ELP2: variants seen among roughly 807,000 people sequenced by gnomAD.
ELP2 encodes the protein elongator acetyltransferase complex subunit 2, also known as elongator complex protein 2.
ELP2 carries 90 observed loss-of-function variants against 119.2 expected under a neutral mutation model. That is an observed-to-expected ratio of 0.75 (90% CI 0.64 to 0.90). The LOEUF (loss-of-function observed/expected upper bound fraction) is 0.90. Among genes scored for constraint, ELP2 ranks in the 40% least tolerant of loss-of-function variants. The probability of loss-of-function intolerance (pLI) is 0.00; values close to 1 mark genes in which losing one functional copy is unlikely to be tolerated. For missense variants in ELP2, 921 were observed against 967.8 expected (o/e 0.95, Z 0.64); for synonymous variants, 339 against 331.0 (o/e 1.02, Z -0.26).
chr18:36,164,391 T>A, intron 17 of ELP2, 84 bp from the exon 18 acceptor site: 4 of 1,328,300 alleles, frequency 3.0e-6, no homozygotes, highest in Admixed American at 1.7e-5. Context: ...AATATACTCA[T>A]AGAAACAATG....
intron 2 of ELP2, among the ~76,000 whole-genome samples, chr18:36,133,611 A>G (rs2089713291): frequency 6.6e-6 from 1 of 152,154 alleles, no homozygotes; most frequent in Non-Finnish European, 1.5e-5. Context: ...AAGAACTTGT[A>G]AGCAGGGCCT....
chr18:36,133,612 A>G (rs2089713398), intron 2 of ELP2, among the ~76,000 whole-genome samples: 1 of 152,178 alleles, frequency 6.6e-6, no homozygotes, highest in Non-Finnish European at 1.5e-5. Context: ...AGAACTTGTA[A>G]GCAGGGCCTA....
In ELP2 at chr18:36,175,088, A is replaced by G. The variant is rs539534255; in HGVS notation, c.*447A>G. On this transcript the variant is annotated 3_prime_UTR_variant, in exon 22 of 22. Transcript: ENST00000358232. Reference sequence around the variant, plus strand: ...AGCTATATGGACCCTTCGCTTTGTTATATAACATATGCACACATACCCAGA... The same window carrying G: ...AGCTATATGGACCCTTCGCTTTGTTGTATAACATATGCACACATACCCAGA... 1.2e-4 allele frequency: 21 copies of G among 168,028 alleles called. No homozygotes were observed. The highest frequency in any genetic ancestry group is 6.2e-4 in the Admixed American group (11 of 17,810). 10.4% of individuals were successfully genotyped at this position (168,028 alleles called of 1,614,324 possible).
At chr18:36,152,893 A>G (rs2090447590) in intron 11 of ELP2, among the ~76,000 whole-genome samples, 1 of 152,236 alleles carries the variant, frequency 6.6e-6, no homozygotes, top group African/African-American at 2.4e-5. Context: ...AAGATGGAAC[A>G]ATTCCTTAGC....
At position 36,145,957 on chromosome 18, in the gene ELP2, T is replaced by C; in HGVS notation, c.902T>C (p.Leu301Pro). 3 of 1,613,300 alleles carry C rather than the reference T, an allele frequency of 1.9e-6. No individual in the cohort carries two copies. Among genetic ancestry groups the C allele is most frequent in the Non-Finnish European group, 2.5e-6 (3 of 1,179,250 alleles). The change falls in exon 10 of 22, where the codon CTA (leucine) becomes CCA (proline). Residue 301 changes from leucine to proline, a missense_variant. By Grantham distance (98) the Leu-to-Pro change is moderately conservative (BLOSUM62 -3). Coordinates refer to ENST00000358232, the MANE Select transcript of ELP2 (RefSeq NM_018255.4). ...AGGTTTTATTTTTTAGATGGTGTCC[T>C]ACAGCAGCCAGTGAGATTATTATCT... ...WQPVFYKDGV[L>P]QQPVRLLSAS...
At chr18:36,162,741 T>C (rs2090776949) in intron 17 of ELP2, among the ~76,000 whole-genome samples, 1 of 152,212 alleles carries the variant, frequency 6.6e-6, no homozygotes, top group African/African-American at 2.4e-5. Flanking sequence ...TCTTTTTAAC[T>C]TTAACCGTTC....
chr18:36,143,157 G>A (rs1032053000), intron 8 of ELP2, among the ~76,000 whole-genome samples, 191 bp downstream of exon 8: 1 of 150,720 alleles, frequency 6.6e-6, no homozygotes, highest in African/African-American at 2.4e-5. Context: ...GTGCAGTGGC[G>A]TGAGCTTGGC....
At chr18:36,168,005 A>G (rs2090958805) in intron 19 of ELP2, among the ~76,000 whole-genome samples, 1 of 152,066 alleles carries the variant, frequency 6.6e-6, no homozygotes, top group Admixed American at 6.5e-5. Context: ...CATGACCTTC[A>G]CCTTTGTTTT....
chr18:36,160,781 T>G, intron 16 of ELP2, 151 bp from the exon 17 acceptor site: 1 of 618,416 alleles, frequency 1.6e-6, no homozygotes, highest in Non-Finnish European at 2.9e-6. Flanking sequence ...TGTCTTTCTC[T>G]CAAATGTTTG....
At chr18:36,164,904 A>G (rs1320807860) in intron 18 of ELP2, 6 of 530,896 alleles carry the variant, frequency 1.1e-5, no homozygotes, top group East Asian at 3.3e-5. Context: ...GATGGCATGC[A>G]TTCAGATATC....
At chr18:36,171,958 A>C (rs2091094288) in intron 21 of ELP2, among the ~76,000 whole-genome samples, 1 of 152,176 alleles carries the variant, frequency 6.6e-6, no homozygotes, top group South Asian at 2.1e-4. Flanking sequence ...GGGCTCAAGC[A>C]ATCCTCCTGT....
intron 5 of ELP2, chr18:36,139,317 A>G (rs138035228): frequency 8.5e-7 from 1 of 1,171,934 alleles, no homozygotes; most frequent in African/African-American, 1.6e-5. Flanking sequence ...CTGCAAACAG[A>G]AAAATTTCCC....
rs1218523211 is a variant in ELP2 at position 36,180,288 on chromosome 18, C to G, written c.*5647C>G. On this transcript the variant is annotated 3_prime_UTR_variant, in exon 22 of 22. Transcript: ENST00000358232. ...TACTATTTTGCTTAATCTCCTCGGG[C>G]AGAATTTAGTGTTGTGGCCATACCG... is the stretch of plus-strand genomic sequence containing the variant. The G allele has an allele frequency of 6.6e-6, 1 of 152,194 alleles. No individual in the cohort carries two copies. Among genetic ancestry groups the G allele is most frequent in the Non-Finnish European group, 1.5e-5 (1 of 68,046 alleles). The allele number at this position is 152,194 out of a possible 1,614,324, so 9.4% of individuals were successfully genotyped here.
intron 5 of ELP2, among the ~76,000 whole-genome samples, 183 bp from the exon 6 acceptor site, chr18:36,140,954 A>AT (rs2090002060): frequency 6.6e-6 from 1 of 152,212 alleles, no homozygotes; most frequent in African/African-American, 2.4e-5. Flanking sequence ...CACTGAATAG[A>AT]ACGTTTTAGA....
intron 3 of ELP2, 125 bp downstream of exon 3, chr18:36,136,502 T>A (rs538672537): frequency 5.1e-5 from 40 of 787,412 alleles, no homozygotes; most frequent in Admixed American, 3.8e-4. Flanking sequence ...CTCAGCCTCC[T>A]AAGTAGCTGG....
At chr18:36,150,602 G>A (rs180841421) in intron 11 of ELP2, among the ~76,000 whole-genome samples, 10 of 152,324 alleles carry the variant, frequency 6.6e-5, no homozygotes, top group African/African-American at 7.2e-5. Context: ...CCATAAGCTC[G>A]AGGAGCTGTT....
chr18:36,134,725 T>G (rs2089766212), intron 2 of ELP2, among the ~76,000 whole-genome samples: 1 of 152,224 alleles, frequency 6.6e-6, no homozygotes, highest in African/African-American at 2.4e-5. Flanking sequence ...TCTCCAGGTC[T>G]CTTCATCTCT....
At chr18:36,167,314 G>C (rs1350002593) in intron 19 of ELP2, 92 bp downstream of exon 19, 1 of 992,802 alleles carries the variant, frequency 1.0e-6, no homozygotes, top group African/African-American at 1.7e-5. Flanking sequence ...CTGCCTTTCT[G>C]TTACAGCTTT....
intron 5 of ELP2, chr18:36,139,307 C>G: frequency 9.5e-7 from 1 of 1,055,744 alleles, no homozygotes; most frequent in South Asian, 1.7e-5. Context: ...CACTTAAAAT[C>G]TGCAAACAGA....
Sources: allele counts gnomAD v4.1 joint callset (sites outside exome capture counted in the v4.1 genomes callset), GRCh38; gene constraint gnomAD v4.1.1; transcripts MANE v1.5; gene names NCBI Gene and HGNC (gene_info 2026-07-23, HGNC 2026-07-21).